Variants in CFAP61 observed in about 807,000 individuals in gnomAD.
CFAP61 encodes the protein cilia- and flagella-associated protein 61.
Under a neutral mutation model 135.6 loss-of-function variants are expected in CFAP61, and 107 were observed. The ratio of observed to expected loss-of-function variants is 0.79; its 90% confidence interval spans 0.67 to 0.93. The LOEUF (loss-of-function observed/expected upper bound fraction) is 0.93, where lower values mean the gene tolerates loss of function less well. Among genes scored for constraint, CFAP61 ranks in the 40% least tolerant of loss-of-function variants. CFAP61 has a pLI of 0.00. For synonymous variants in CFAP61, 575 were observed against 578.5 expected, an observed-to-expected ratio of 0.99 and a Z score of 0.09; for missense variants, 1,507 against 1,556.2, an observed-to-expected ratio of 0.97 and a Z score of 0.53.
At chr20:20,057,279 A>G (rs2044432391) in intron 2 of CFAP61, among the ~76,000 whole-genome samples, 1 of 152,172 alleles carries the variant, frequency 6.6e-6, no homozygotes, top group African/African-American at 2.4e-5. Context: ...ACAAATTCCT[A>G]TTTCCTATAA....
chr20:20,074,364 CAA>C lies in CFAP61; in HGVS notation c.359_360del (p.Lys120ArgfsTer8), dbSNP rs1346099456. The C allele has an allele frequency of 6.2e-7, 1 of 1,614,026 alleles. No homozygotes were observed. Among genetic ancestry groups the C allele is most frequent in the Non-Finnish European group, 8.5e-7 (1 of 1,179,938 alleles). ...AVDEYSVGCC[K>X]EILRTVYKAV... ...TGGATGAGTATTCTGTTGGCTGTTGCAAAGAGATTCTTCGGTGAGTGGATATG... is the reference window on the plus strand; with the variant it reads ...TGGATGAGTATTCTGTTGGCTGTTGCAGAGATTCTTCGGTGAGTGGATATG... On this transcript the variant is annotated frameshift_variant, in exon 4 of 27. Transcript: ENST00000245957. LOFTEE classifies it high-confidence loss of function.
At position 20,075,568 on chromosome 20, in the gene CFAP61, A is replaced by G. The variant is rs2146578728; in HGVS notation, c.519A>G (p.Ile173Met). The G allele has an allele frequency of 6.2e-7, 1 of 1,614,172 alleles. No individual in the cohort carries two copies. The highest frequency in any genetic ancestry group is 1.3e-5 in the African/African-American group (1 of 75,048). ...LTYEEDFAVH[I>M]CHRHSHYPQL... ...ATGAGGAAGACTTTGCAGTGCATAT[A>G]TGTCACAGGCACAGCCACTATCCTC... The change falls in exon 6 of 27, where the codon ATA becomes ATG. Residue 173 changes from isoleucine (I) to methionine (M), a missense_variant. Transcript: ENST00000245957.
At chr20:20,130,054 C>T (rs2050390150) in intron 8 of CFAP61, among the ~76,000 whole-genome samples, 1 of 151,572 alleles carries the variant, frequency 6.6e-6, no homozygotes, top group South Asian at 2.1e-4. Context: ...CTTTGGGAGG[C>T]CAAGGCGGGC....
At chr20:20,259,343 TC>T (rs1410180281) in intron 20 of CFAP61, among the ~76,000 whole-genome samples, 2 of 132,384 alleles carry the variant, frequency 1.5e-5, no homozygotes. Context: ...AACCTTGACC[TC>T]CCCGGCTCAG....
chr20:20,181,641 A>G (rs2055107145), intron 13 of CFAP61, among the ~76,000 whole-genome samples: 1 of 152,132 alleles, frequency 6.6e-6, no homozygotes, highest in Non-Finnish European at 1.5e-5. Flanking sequence ...GGTGACCTGG[A>G]GAGGTAAAGC....
chr20:20,194,300 C>T (rs1363365169), intron 15 of CFAP61, among the ~76,000 whole-genome samples: 2 of 152,136 alleles, frequency 1.3e-5, no homozygotes, highest in Non-Finnish European at 2.9e-5. Flanking sequence ...TCTAATTCTT[C>T]AGTTGTGTTT....
chr20:20,320,512 A>AC lies in CFAP61; in HGVS notation c.3423-21319_3423-21318insC, dbSNP rs1569294033. On this transcript the variant is annotated intron_variant, in intron 25 of 26. Coordinates refer to ENST00000245957, the MANE Select transcript of CFAP61 (RefSeq NM_015585.4). Reference sequence around the variant, plus strand: ...TATATGTAATATATATTATATATGTAATATATAATATATATTATATATGTA... The same window carrying AC: ...TATATGTAATATATATTATATATGTACATATATAATATATATTATATATGTA... Among the ~76,000 whole-genome samples, 4 of 27,608 alleles carry AC rather than the reference A, an allele frequency of 1.4e-4. 1 individual carries two copies. The East Asian group carries it at 4.6e-3, about 31-fold the overall frequency. The allele number at this position is 27,608 out of a possible 152,430, so 18.1% of individuals were successfully genotyped here. A position where few individuals can be genotyped will look rare whatever the true frequency, so the allele number is the denominator to read the frequency against.
Position 20,330,606 on chromosome 20 carries a change from G to C in CFAP61, c.3423-11225G>C, listed in dbSNP as rs143853799. On this transcript the variant is annotated intron_variant, in intron 25 of 26. Transcript: ENST00000245957. ...CCTGCCTCAGCCACCCAAAGTGCTA[G>C]TATTAACAGGTGTGAGCCACCACAC... is the stretch of plus-strand genomic sequence containing the variant. Among the ~76,000 whole-genome samples, 87 of 152,284 alleles carry C rather than the reference G, an allele frequency of 5.7e-4. 3 individuals are homozygous for C. The East Asian group carries it at 0.012, about 22-fold the overall frequency.
intron 18 of CFAP61, among the ~76,000 whole-genome samples, chr20:20,234,022 T>C (rs2146957013): frequency 6.6e-6 from 1 of 152,338 alleles, no homozygotes. Context: ...TCAGTCTTCA[T>C]CATTTGTTAT....
At chr20:20,305,982 A>G (rs539613124) in intron 25 of CFAP61, among the ~76,000 whole-genome samples, 1 of 152,168 alleles carries the variant, frequency 6.6e-6, no homozygotes, top group Non-Finnish European at 1.5e-5. Flanking sequence ...TAGATCTGGA[A>G]GTGTAGACCA....
chr20:20,253,685 C>G (rs1271599661), intron 20 of CFAP61: 1 of 396,184 alleles, frequency 2.5e-6, no homozygotes, highest in Non-Finnish European at 5.0e-6. Context: ...ATGGTACACA[C>G]TGTCTCTGTC....
At chr20:20,284,661 T>G (rs373287243) in intron 22 of CFAP61, among the ~76,000 whole-genome samples, 1 of 152,238 alleles carries the variant, frequency 6.6e-6, no homozygotes, top group African/African-American at 2.4e-5. Flanking sequence ...CAATCTTTCA[T>G]GTTCAATAGA....
At chr20:20,080,683 A>G (rs1229478150) in intron 6 of CFAP61, among the ~76,000 whole-genome samples, 1 of 152,284 alleles carries the variant, frequency 6.6e-6, no homozygotes, top group South Asian at 2.1e-4. Context: ...TTACATCTTC[A>G]TCAGTGCTGA....
intron 3 of CFAP61, among the ~76,000 whole-genome samples, chr20:20,072,350 CG>C (rs2045781322): frequency 6.6e-6 from 1 of 151,766 alleles, no homozygotes; most frequent in African/African-American, 2.4e-5. Flanking sequence ...CTCCTGACCT[CG>C]TGATCCACCT....
At chr20:20,149,627 C>T (rs2052229808) in intron 9 of CFAP61, among the ~76,000 whole-genome samples, 1 of 152,140 alleles carries the variant, frequency 6.6e-6, no homozygotes, top group Admixed American at 6.5e-5. Flanking sequence ...ACCTTACCTG[C>T]CACTGAAATG....
rs753873995 is a variant in CFAP61, at chr20:20,228,366, T to C, written c.2050T>C (p.Leu684=). 1 of 1,606,344 alleles carries C rather than the reference T, an allele frequency of 6.2e-7. No individual in the cohort carries two copies. Among genetic ancestry groups the C allele is most frequent in the Non-Finnish European group, 8.5e-7 (1 of 1,173,698 alleles). The change falls in exon 18 of 27, where the codon TTG becomes CTG. Residue 684 remains leucine, a synonymous_variant. Transcript: ENST00000245957. ...SSVGISFLET[L]VFCSHMKFNN... is the part of the protein sequence containing the mutation. ...TGTTGGAATTTCCTTCCTAGAGACA[T>C]TGGTATTTTGGTGAGTTGTTTCACT... is the stretch of plus-strand genomic sequence containing the variant.
intron 12 of CFAP61, among the ~76,000 whole-genome samples, chr20:20,168,288 C>A (rs2053976686): frequency 1.3e-5 from 2 of 152,090 alleles, no homozygotes; most frequent in Admixed American, 6.5e-5. Flanking sequence ...GGCTCGAACT[C>A]CTGGGCTCAA....
chr20:20,191,462 C>A, intron 15 of CFAP61, 43 bp downstream of exon 15: 1 of 1,465,750 alleles, frequency 6.8e-7, no homozygotes, highest in Non-Finnish European at 9.5e-7. Context: ...TTGTGCCTTG[C>A]TATATCATGA....
At chr20:20,323,313 A>G in intron 25 of CFAP61, 1 of 985,420 alleles carries the variant, frequency 1.0e-6, no homozygotes, top group Non-Finnish European at 1.2e-6. Context: ...GGCCTTCAAA[A>G]GAGAGTAAGA....
Sources: gnomAD v4.1 joint callset for allele counts (sites outside exome capture counted in the v4.1 genomes callset) on GRCh38, gnomAD v4.1.1 for gene constraint, MANE v1.5 for transcripts, NCBI Gene and HGNC (gene_info 2026-07-23, HGNC 2026-07-21) for gene names.